FGF12: variants seen among roughly 807,000 people sequenced by gnomAD.
FGF12 encodes the protein fibroblast growth factor 12B.
In FGF12, 14 loss-of-function variants were observed where a neutral mutation model predicts 23.6. That is an observed-to-expected ratio of 0.59 (90% CI 0.39 to 0.93). The LOEUF (loss-of-function observed/expected upper bound fraction) is 0.93, where lower values mean the gene tolerates loss of function less well. Ranked by LOEUF, FGF12 falls within the 40% of genes least tolerant of loss-of-function variation. FGF12 has a pLI of 0.00. For missense variants in FGF12, 175 were observed against 217.8 expected, an observed-to-expected ratio of 0.80 and a Z score of 1.24; for synonymous variants, 62 against 77.3, an observed-to-expected ratio of 0.80 and a Z score of 1.04.
chr3:192,193,215 G>T (rs906757017), intron 4 of FGF12, among the ~76,000 whole-genome samples: 9 of 152,098 alleles, frequency 5.9e-5, no homozygotes, highest in Admixed American at 1.3e-4. Flanking sequence ...CGCTTGCCTT[G>T]CTCTAGATCT....
intron 2 of FGF12, among the ~76,000 whole-genome samples, chr3:192,394,649 G>A (rs1720445131): frequency 6.6e-6 from 1 of 152,100 alleles, no homozygotes; most frequent in South Asian, 2.1e-4. Context: ...AAGGTCACCA[G>A]GACTCTGACT....
chr3:192,675,919 C>A (rs1248674770), intron 2 of FGF12, among the ~76,000 whole-genome samples: 1 of 152,188 alleles, frequency 6.6e-6, no homozygotes, highest in Admixed American at 6.5e-5. Context: ...GGTGCCTATA[C>A]TCCCCTAATA....
At chr3:192,624,377 G>T (rs997267754) in intron 2 of FGF12, among the ~76,000 whole-genome samples, 1 of 152,046 alleles carries the variant, frequency 6.6e-6, no homozygotes, top group Admixed American at 6.6e-5. Flanking sequence ...TATATTTTGT[G>T]AATGTATTTT....
intron 2 of FGF12, among the ~76,000 whole-genome samples, chr3:192,479,542 C>T (rs931235629): frequency 5.9e-5 from 9 of 152,274 alleles, no homozygotes; most frequent in Admixed American, 1.3e-4. Flanking sequence ...AGTCTGCAGA[C>T]TCTCCTATCT....
chr3:192,660,409 TA>T (rs1716617649), intron 2 of FGF12, among the ~76,000 whole-genome samples: 1 of 150,896 alleles, frequency 6.6e-6, no homozygotes, highest in Non-Finnish European at 1.5e-5. Flanking sequence ...TACCTCATGT[TA>T]AATGATGAGT....
chr3:192,680,896 C>T (rs1034502297), intron 2 of FGF12, among the ~76,000 whole-genome samples: 17 of 152,040 alleles, frequency 1.1e-4, no homozygotes, highest in African/African-American at 3.6e-4. Flanking sequence ...CATGAGCTTC[C>T]AGGATCAAAG....
intron 4 of FGF12, among the ~76,000 whole-genome samples, chr3:192,317,701 G>A (rs1716302110): frequency 6.6e-6 from 1 of 152,124 alleles, no homozygotes; most frequent in South Asian, 2.1e-4. Context: ...TTCACCACCT[G>A]CTGATTACAG....
intron 5 of FGF12, among the ~76,000 whole-genome samples, chr3:192,163,136 T>G (rs1156948708): frequency 1.3e-5 from 2 of 152,202 alleles, no homozygotes; most frequent in Non-Finnish European, 2.9e-5. Context: ...GCAAGGCTGC[T>G]CTGCCTATGG....
intron 2 of FGF12, among the ~76,000 whole-genome samples, chr3:192,436,243 G>A (rs1371716183): frequency 2.6e-5 from 4 of 152,198 alleles, no homozygotes; most frequent in Admixed American, 6.5e-5. Flanking sequence ...ATACTTTGTT[G>A]TAGAGCAGTA....
At chr3:192,276,977 G>T (rs968379430) in intron 4 of FGF12, among the ~76,000 whole-genome samples, 1 of 152,162 alleles carries the variant, frequency 6.6e-6, no homozygotes, top group Non-Finnish European at 1.5e-5. Flanking sequence ...ACAGGATACT[G>T]TCCATACTTT....
intron 2 of FGF12, among the ~76,000 whole-genome samples, chr3:192,575,834 C>T (rs1485065818): frequency 6.6e-6 from 1 of 151,914 alleles, no homozygotes; most frequent in African/African-American, 2.4e-5. Context: ...ATATATGTAG[C>T]ACCTAGCTGC....
intron 2 of FGF12, among the ~76,000 whole-genome samples, chr3:192,650,313 G>T (rs566385137): frequency 6.6e-6 from 1 of 152,258 alleles, no homozygotes; most frequent in East Asian, 1.9e-4. Flanking sequence ...GCATTTCAGA[G>T]GTGTCTACCG....
At chr3:192,661,834 G>A (rs754461353) in intron 2 of FGF12, among the ~76,000 whole-genome samples, 1 of 152,156 alleles carries the variant, frequency 6.6e-6, no homozygotes, top group Non-Finnish European at 1.5e-5. Flanking sequence ...AGCCAGACCT[G>A]GTAAATTCCC....
chr3:192,231,178 T>C (rs1718999071), intron 4 of FGF12, among the ~76,000 whole-genome samples: 1 of 152,186 alleles, frequency 6.6e-6, no homozygotes, highest in African/African-American at 2.4e-5. Context: ...CTTCTCTGTA[T>C]TTTAAATATT....
intron 3 of FGF12, among the ~76,000 whole-genome samples, chr3:192,339,098 G>A (rs535193949): frequency 6.6e-6 from 1 of 152,244 alleles, no homozygotes; most frequent in Admixed American, 6.5e-5. Context: ...GCCTTTAGCT[G>A]GTTTGCTTTG....
At chr3:192,196,150 T>C (rs959260306) in intron 4 of FGF12, among the ~76,000 whole-genome samples, 1 of 152,168 alleles carries the variant, frequency 6.6e-6, no homozygotes, top group South Asian at 2.1e-4. Context: ...CATAATATAA[T>C]ATCCTCCAGT....
At chr3:192,588,381 A>C (rs1262329504) in intron 2 of FGF12, among the ~76,000 whole-genome samples, 2 of 150,762 alleles carry the variant, frequency 1.3e-5, no homozygotes, top group Non-Finnish European at 3.0e-5. Context: ...AAAAAGAAAA[A>C]AAAAATTCAG....
chr3:192,521,774 A>G (rs1292388373), intron 2 of FGF12, among the ~76,000 whole-genome samples: 1 of 152,126 alleles, frequency 6.6e-6, no homozygotes, highest in African/African-American at 2.4e-5. Flanking sequence ...CCTCTATTAT[A>G]GGATTTATTT....
At chr3:192,502,649 G>A (rs998309220) in intron 2 of FGF12, among the ~76,000 whole-genome samples, 1 of 152,196 alleles carries the variant, frequency 6.6e-6, no homozygotes, top group African/African-American at 2.4e-5. Flanking sequence ...GGAGTGGCCA[G>A]ACCATGCCCT....
Sources: gnomAD v4.1 joint callset for allele counts (sites outside exome capture counted in the v4.1 genomes callset) on GRCh38, gnomAD v4.1.1 for gene constraint, MANE v1.5 for transcripts, NCBI Gene and HGNC (gene_info 2026-07-23, HGNC 2026-07-21) for gene names.